Variants in MSH3 observed in about 807,000 individuals in gnomAD.
The protein encoded by MSH3 is DNA mismatch repair protein Msh3.
MSH3 carries 106 observed loss-of-function variants against 123.3 expected under a neutral mutation model. That is an observed-to-expected ratio of 0.86 (90% CI 0.73 to 1.01). MSH3 has a LOEUF of 1.01. Ranked by LOEUF, MSH3 falls within the 50% of genes least tolerant of loss-of-function variation. MSH3 has a pLI of 0.00. For missense variants in MSH3, 1,459 were observed against 1,347.6 expected, an observed-to-expected ratio of 1.08 and a Z score of -1.29; for synonymous variants, 515 against 481.4, an observed-to-expected ratio of 1.07 and a Z score of -0.91.
rs886967708 is a variant in MSH3, at chr5:80,679,211, T to C, written c.1340+118T>C. ...TTACTTACAAAAATTATATTTCCACTGTAGTAGTGGAAATTTAAAAAAAAA... is the reference window on the plus strand; with the variant it reads ...TTACTTACAAAAATTATATTTCCACCGTAGTAGTGGAAATTTAAAAAAAAA... On this transcript the variant is annotated intron_variant, in intron 8 of 23. Transcript: ENST00000265081. 22 of 1,091,816 alleles carry C rather than the reference T, an allele frequency of 2.0e-5. No homozygotes were observed. In the African/African-American group the frequency reaches 2.7e-4, roughly 13 times the overall value. 67.6% of individuals were successfully genotyped at this position (1,091,816 alleles called of 1,614,324 possible). A position where few individuals can be genotyped will look rare whatever the true frequency, so the allele number is the denominator to read the frequency against.
chr5:80,824,349 G>A (rs1042804079), intron 20 of MSH3, among the ~76,000 whole-genome samples: 14 of 150,372 alleles, frequency 9.3e-5, no homozygotes, highest in African/African-American at 2.2e-4. Flanking sequence ...CGGACGGGGC[G>A]GCTGGCCGGG....
intron 10 of MSH3, among the ~76,000 whole-genome samples, chr5:80,731,058 G>A (rs760219469): frequency 6.6e-5 from 10 of 150,984 alleles, no homozygotes; most frequent in African/African-American, 7.3e-5. Flanking sequence ...GCACGCCACC[G>A]CGCCCAGCTA....
At chr5:80,725,345 A>T (rs1743263001) in intron 8 of MSH3, 108 bp from the exon 9 acceptor site, 4 of 740,636 alleles carry the variant, frequency 5.4e-6, no homozygotes. Flanking sequence ...GGGAAAGAAT[A>T]AGGAATAAAT....
At chr5:80,730,984 C>T (rs1369297652) in intron 10 of MSH3, among the ~76,000 whole-genome samples, 4 of 148,128 alleles carry the variant, frequency 2.7e-5, no homozygotes, top group Non-Finnish European at 5.9e-5. Flanking sequence ...CTCACTGCAA[C>T]TTCCGCCTCC....
At chr5:80,836,098 G>T (rs370321029) in intron 20 of MSH3, among the ~76,000 whole-genome samples, 1 of 151,866 alleles carries the variant, frequency 6.6e-6, no homozygotes. Context: ...ATGTTTTTTA[G>T]AATAAACTCA....
chr5:80,725,400 G>A, intron 8 of MSH3, 53 bp from the exon 9 acceptor site: 3 of 1,208,194 alleles, frequency 2.5e-6, no homozygotes, highest in Non-Finnish European at 3.7e-6. Flanking sequence ...CTAAATACCA[G>A]CATTTCATGA....
chr5:80,787,981 G>C (rs1007231734), intron 18 of MSH3, among the ~76,000 whole-genome samples: 3 of 152,146 alleles, frequency 2.0e-5, no homozygotes, highest in Non-Finnish European at 4.4e-5. Context: ...GATTAGGCAA[G>C]AAAAGACTGA....
rs773779437 is a variant in MSH3, at chr5:80,766,928, T to C, written c.1897-1005T>C. On this transcript the variant is annotated intron_variant, in intron 13 of 23. Coordinates refer to ENST00000265081, the MANE Select transcript of MSH3 (RefSeq NM_002439.5). ...GATTTTTTATTTATATAGAATAATG[T>C]ATATCATTTAAAGAATACAAAGAAA... Among the ~76,000 whole-genome samples the C allele has an allele frequency of 5.9e-5, 9 of 152,180 alleles. No individual in the cohort carries two copies. In the East Asian group the frequency reaches 1.5e-3, roughly 26 times the overall value.
At position 80,783,463 on chromosome 5, in the gene MSH3, A is replaced by C. The variant is rs532761780; in HGVS notation, c.2436-4102A>C. ...TTAAGAGTTATGATGTTATAGGTTT[A>C]TGATAGTTTTTCATTTTATTCATGT... On this transcript the variant is annotated intron_variant, in intron 17 of 23. Transcript: ENST00000265081. Among the ~76,000 whole-genome samples, 3 of 152,344 alleles carry C rather than the reference A, an allele frequency of 2.0e-5. No homozygotes were observed. The South Asian group carries it at 6.2e-4, about 32-fold the overall frequency.
At chr5:80,868,312 T>G (rs1746139778) in intron 22 of MSH3, among the ~76,000 whole-genome samples, 1 of 151,930 alleles carries the variant, frequency 6.6e-6, no homozygotes. Flanking sequence ...TAAAGACGCA[T>G]GCACACGTAT....
chr5:80,852,854 G>A (rs1209106032), intron 20 of MSH3, among the ~76,000 whole-genome samples: 3 of 152,178 alleles, frequency 2.0e-5, no homozygotes, highest in Non-Finnish European at 1.5e-5. Context: ...GGTGCTGTAG[G>A]TCAAATGTGA....
chr5:80,728,598 CT>C (rs776689180), intron 9 of MSH3, among the ~76,000 whole-genome samples: 12 of 152,122 alleles, frequency 7.9e-5, no homozygotes, highest in Non-Finnish European at 1.5e-4. Flanking sequence ...ACAACCTGTT[CT>C]TCAAAAAAGG....
intron 8 of MSH3, among the ~76,000 whole-genome samples, chr5:80,723,061 T>C (rs1031119732): frequency 2.6e-5 from 4 of 151,540 alleles, no homozygotes; most frequent in Admixed American, 6.6e-5. Flanking sequence ...TGAGCCCTGG[T>C]CCAGCCTAGG....
Position 80,670,232 on chromosome 5 carries a change from A to G in MSH3, c.715A>G (p.Met239Val), listed in dbSNP as rs1187858656. The G allele has an allele frequency of 6.2e-7, 1 of 1,614,160 alleles. No homozygotes were observed. Among genetic ancestry groups the G allele is most frequent in the Non-Finnish European group, 8.5e-7 (1 of 1,180,020 alleles). Residue 239 changes from methionine to valine, a missense_variant, in exon 4 of 24, where the codon ATG (methionine) becomes GTG (valine). Transcript: ENST00000265081. ...YTPLELQYIE[M>V]KQQHKDAVLC... ...GCCGCTAGAATTACAATACATAGAA[A>G]TGAAGCAGCAGCACAAAGATGCAGT...
intron 8 of MSH3, among the ~76,000 whole-genome samples, chr5:80,713,882 T>C (rs1750904857): frequency 1.3e-5 from 2 of 152,152 alleles, no homozygotes; most frequent in South Asian, 2.1e-4. Context: ...AATTCAGATT[T>C]AGCACCTTTC....
intron 12 of MSH3, among the ~76,000 whole-genome samples, chr5:80,745,257 C>T (rs1284688001): frequency 1.3e-5 from 2 of 152,180 alleles, no homozygotes; most frequent in African/African-American, 2.4e-5. Context: ...TTTAATTGGT[C>T]TCCAGCATGA....
Position 80,854,164 on chromosome 5 carries a change from A to G in MSH3, c.2848A>G (p.Ser950Gly), listed in dbSNP as rs1745877173. The G allele has an allele frequency of 1.2e-6, 2 of 1,613,714 alleles. No individual in the cohort carries two copies. Among genetic ancestry groups the G allele is most frequent in the Non-Finnish European group, 8.5e-7 (1 of 1,179,718 alleles). The change falls in exon 21 of 24, where the codon AGT becomes GGT. Residue 950 changes from serine (S) to glycine (G), a missense_variant. Transcript: ENST00000265081. The stretch of plus-strand genomic sequence containing the variant: ...TGCAGACAATATATATAAAGGACAG[A>G]GTACATTTATGGAAGAACTGACTGA... ...GAADNIYKGQ[S>G]TFMEELTDTA... is the part of the protein sequence containing the mutation.
Position 80,775,721 on chromosome 5 carries a change from G to A in MSH3, c.2281G>A (p.Val761Ile), listed in dbSNP as rs376555325. 8.2e-6 allele frequency: 13 copies of A among 1,586,854 alleles called. No homozygotes were observed. Among genetic ancestry groups the A allele is most frequent in the South Asian group, 6.6e-5 (6 of 90,434 alleles). The change falls in exon 16 of 24, where the codon GTA becomes ATA. Residue 761 changes from valine to isoleucine, a missense_variant. By Grantham distance (29) the Val-to-Ile change is conservative. Transcript: ENST00000265081. The stretch of plus-strand genomic sequence containing the variant: ...TATGATAGAAATAAAGAACTCTGCT[G>A]TATCTTGTATACCAACTGATTGGGT... ...EFMIEIKNSAVSCIPTDWVKV... is the reference protein window; with the variant it reads ...EFMIEIKNSAISCIPTDWVKV...
chr5:80,656,340 A>C, intron 1 of MSH3, 71 bp from the exon 2 acceptor site: 1 of 1,595,690 alleles, frequency 6.3e-7, no homozygotes, highest in Non-Finnish European at 8.6e-7. Flanking sequence ...TGTAAGGTTT[A>C]AATTGCTTCA....
Sources: gnomAD v4.1 joint callset for allele counts (sites outside exome capture counted in the v4.1 genomes callset) on GRCh38, gnomAD v4.1.1 for gene constraint, MANE v1.5 for transcripts, NCBI Gene and HGNC (gene_info 2026-07-23, HGNC 2026-07-21) for gene names.